Variants in RPA3 observed in about 807,000 individuals in gnomAD.
RPA3 encodes replication protein A 14 kDa subunit.
Under a neutral mutation model 13.7 loss-of-function variants are expected in RPA3, and 24 were observed. The observed-to-expected ratio is 1.75, with a 90% confidence interval of 1.27 to 2.46. The LOEUF (loss-of-function observed/expected upper bound fraction) is 2.46. Among genes scored for constraint, RPA3 ranks in the 30% most tolerant of loss-of-function variants. The pLI is 0.00. For synonymous variants in RPA3, 59 were observed against 51.2 expected, an observed-to-expected ratio of 1.15 and a Z score of -0.65; for missense variants, 183 against 151.0, an observed-to-expected ratio of 1.21 and a Z score of -1.11.
At chr7:7,691,704 GT>G (rs1780176278) in intron 2 of RPA3, among the ~76,000 whole-genome samples, 1 of 151,830 alleles carries the variant, frequency 6.6e-6, no homozygotes, top group South Asian at 2.1e-4. Context: ...ACCCTTTTTT[GT>G]TCTATGTATT....
At chr7:7,668,855 A>G (rs1056595680) in intron 4 of RPA3, among the ~76,000 whole-genome samples, 5 of 152,198 alleles carry the variant, frequency 3.3e-5, no homozygotes, top group Non-Finnish European at 7.3e-5. Context: ...TAAGCCCTCA[A>G]GGCCTCAGGA....
At chr7:7,654,630 C>G (rs1217629395) in intron 4 of RPA3, among the ~76,000 whole-genome samples, 1 of 152,084 alleles carries the variant, frequency 6.6e-6, no homozygotes. Flanking sequence ...GGGCTGGGTG[C>G]GGTGGCTCAT....
In RPA3 at chr7:7,637,045, A is replaced by T; in HGVS notation, c.321T>A (p.His107Gln). The change falls in exon 8 of 8, where the codon CAT (histidine) becomes CAA (glutamine). Residue 107 changes from histidine to glutamine, a missense_variant. Physicochemically the swap from His to Gln is conservative, Grantham distance 24. Coordinates refer to ENST00000223129, the MANE Select transcript of RPA3 (RefSeq NM_002947.5). ...GLYNEAVKII[H>Q]DFPQFYPLGI... ...CTAAAGGATAAAACTGAGGGAAGTC[A>T]TGGATAATTTTCACAGCTTCATTGT... The T allele has an allele frequency of 6.2e-7, 1 of 1,613,076 alleles. No individual in the cohort carries two copies. The highest frequency in any genetic ancestry group is 8.5e-7 in the Non-Finnish European group (1 of 1,179,272).
intron 4 of RPA3, among the ~76,000 whole-genome samples, chr7:7,678,855 C>T (rs186177686): frequency 0.022 from 309 of 14,122 alleles, 108 homozygotes; most frequent in African/African-American, 0.086. Flanking sequence ...AGTTTATAAA[C>T]ATATATTTAT....
chr7:7,654,377 T>TAGG, intron 4 of RPA3, among the ~76,000 whole-genome samples: 2 of 152,176 alleles, frequency 1.3e-5, no homozygotes, highest in East Asian at 3.9e-4. Context: ...GTTGTTAGTT[T>TAGG]TCAAGATGAC....
At chr7:7,657,978 C>T (rs2115085381) in intron 4 of RPA3, among the ~76,000 whole-genome samples, 1 of 152,218 alleles carries the variant, frequency 6.6e-6, no homozygotes, top group South Asian at 2.1e-4. Context: ...TGTGTCCTCT[C>T]CTATTTCCTT....
At chr7:7,696,714 T>C (rs1780327651) in intron 2 of RPA3, among the ~76,000 whole-genome samples, 3 of 152,200 alleles carry the variant, frequency 2.0e-5, no homozygotes, top group Admixed American at 1.3e-4. Context: ...CCTCTAGAAC[T>C]GCTCAAAGTC....
intron 4 of RPA3, among the ~76,000 whole-genome samples, chr7:7,649,169 A>AG (rs1026876262): frequency 6.4e-5 from 9 of 140,878 alleles, no homozygotes; most frequent in Middle Eastern, 3.5e-3. Context: ...AAAAAAAAAA[A>AG]AAAAAAAAAA....
chr7:7,643,301 C>CAGAT (rs1785016871), intron 4 of RPA3, among the ~76,000 whole-genome samples: 2 of 152,192 alleles, frequency 1.3e-5, no homozygotes, highest in South Asian at 4.1e-4. Context: ...AAGGAAGCCT[C>CAGAT]AGATGGGCGT....
chr7:7,688,680 T>C (rs937185127), intron 2 of RPA3, among the ~76,000 whole-genome samples: 3 of 152,208 alleles, frequency 2.0e-5, no homozygotes, highest in Non-Finnish European at 4.4e-5. Flanking sequence ...AGCTCCTATA[T>C]TATTGTTTTG....
intron 2 of RPA3, among the ~76,000 whole-genome samples, chr7:7,710,129 C>T (rs1226030750): frequency 5.3e-5 from 8 of 152,058 alleles, no homozygotes. Context: ...ATCTTTAGTT[C>T]TTTCATTTTT....
At chr7:7,658,803 G>A (rs1245180914) in intron 4 of RPA3, among the ~76,000 whole-genome samples, 1 of 151,534 alleles carries the variant, frequency 6.6e-6, no homozygotes, top group Non-Finnish European at 1.5e-5. Flanking sequence ...CTGGTGTCGG[G>A]ATGATGCTGG....
At chr7:7,664,172 CTAT>C (rs1779371070) in intron 4 of RPA3, among the ~76,000 whole-genome samples, 1 of 152,140 alleles carries the variant, frequency 6.6e-6, no homozygotes, top group African/African-American at 2.4e-5. Flanking sequence ...ATGGAATTTA[CTAT>C]TATTTTCTTC....
rs1312898656 is a variant in RPA3 at position 7,679,633 on chromosome 7, A to G, written c.-758+6197T>C. On this transcript the variant is annotated intron_variant, in intron 4 of 7. Transcript: ENST00000223129. The stretch of plus-strand genomic sequence containing the variant: ...TTTATAGATAAATATATATTTATAT[A>G]TTTAATTTATAGATAAATATATATT... 1.0e-4 allele frequency among the ~76,000 whole-genome samples: 7 copies of G among 69,580 alleles called. 1 individual carries two copies. Among genetic ancestry groups the G allele is most frequent in the African/African-American group, 4.3e-4 (7 of 16,366 alleles). 45.6% of individuals were successfully genotyped at this position (69,580 alleles called of 152,430 possible). A position where few individuals can be genotyped will look rare whatever the true frequency, so the allele number is the denominator to read the frequency against.
chr7:7,669,084 G>GTT (rs11340786), intron 4 of RPA3, among the ~76,000 whole-genome samples: 1 of 148,894 alleles, frequency 6.7e-6, no homozygotes. Flanking sequence ...TGGGAATCAA[G>GTT]TTTTTTTTTT....
At chr7:7,676,046 A>T in intron 4 of RPA3, 1 of 398,162 alleles carries the variant, frequency 2.5e-6, no homozygotes, top group Non-Finnish European at 4.4e-6. Flanking sequence ...CTCAGCTCTT[A>T]CTTCCTCTGT....
chr7:7,688,504 G>C (rs1029510003), intron 2 of RPA3, among the ~76,000 whole-genome samples: 3 of 152,148 alleles, frequency 2.0e-5, no homozygotes, highest in African/African-American at 7.2e-5. Flanking sequence ...GTTTCCTCAT[G>C]CAGAGTGCCC....
chr7:7,689,228 C>G (rs940548915), intron 2 of RPA3: 7 of 152,196 alleles, frequency 4.6e-5, no homozygotes, highest in Admixed American at 3.3e-4. Context: ...CTGAGAGACT[C>G]ATGGGCAGAT....
chr7:7,649,666 T>C (rs1785178784), intron 4 of RPA3, among the ~76,000 whole-genome samples: 2 of 149,436 alleles, frequency 1.3e-5, no homozygotes, highest in South Asian at 2.2e-4. Flanking sequence ...TTGAATGTTA[T>C]ACATTCTGTA....
Sources: gnomAD v4.1 joint callset for allele counts (sites outside exome capture counted in the v4.1 genomes callset) on GRCh38, gnomAD v4.1.1 for gene constraint, MANE v1.5 for transcripts, NCBI Gene and HGNC (gene_info 2026-07-23, HGNC 2026-07-21) for gene names.